The following HDAC9 variants were observed in gnomAD, a reference collection of about 807,000 sequenced individuals.
The protein encoded by HDAC9 is histone deacetylase 9, also known as MEF-2 interacting transcription repressor (MITR) protein.
Under a neutral mutation model 139.4 loss-of-function variants are expected in HDAC9, and 41 were observed. The ratio of observed to expected loss-of-function variants is 0.29; its 90% CI spans 0.23 to 0.38. The LOEUF is 0.38. HDAC9 is among the 10% of genes least tolerant of loss of function. The pLI, the probability that HDAC9 is intolerant of heterozygous loss-of-function variation, is 1.00. For missense variants in HDAC9, 1,147 were observed against 1,297.0 expected (o/e 0.88, Z 1.78); for synonymous variants, 517 against 476.2 (o/e 1.09, Z -1.12).
chr7:18,980,425 C>T (rs981840102), intron 25 of HDAC9, among the ~76,000 whole-genome samples: 1 of 152,210 alleles, frequency 6.6e-6, no homozygotes, highest in Non-Finnish European at 1.5e-5. Flanking sequence ...AGAGTCTCCA[C>T]ACTTCACAGT....
At chr7:18,323,274 ACCAC>A (rs1371377262) in intron 1 of HDAC9, among the ~76,000 whole-genome samples, 1 of 152,082 alleles carries the variant, frequency 6.6e-6, no homozygotes, top group Non-Finnish European at 1.5e-5. Context: ...ACTATTTCTC[ACCAC>A]CTCCATTGCT....
rs909304048 is a variant in HDAC9 at position 18,173,675 on chromosome 7, T to C, written c.25+11326T>C. On this transcript the variant is annotated intron_variant, in intron 2 of 12. Coordinates refer to the HDAC9 transcript ENST00000417496. ...GGTGACAGAATCTCTCAGCATTTGCTTGTCTGTAAAGGATTTTATTTCTCC... is the reference window on the plus strand; with the variant it reads ...GGTGACAGAATCTCTCAGCATTTGCCTGTCTGTAAAGGATTTTATTTCTCC... Among the ~76,000 whole-genome samples the C allele has an allele frequency of 2.0e-5, 3 of 152,330 alleles. No homozygotes were observed. The East Asian group carries it at 5.8e-4, about 29-fold the overall frequency.
intron 1 of HDAC9, among the ~76,000 whole-genome samples, chr7:18,475,233 TC>T (rs1163383592): frequency 6.6e-6 from 1 of 152,206 alleles, no homozygotes; most frequent in Non-Finnish European, 1.5e-5. Context: ...AGCCATGGAC[TC>T]TTCTGACCCC....
intron 22 of HDAC9, among the ~76,000 whole-genome samples, chr7:18,889,311 A>G (rs373458501): frequency 1.7e-4 from 26 of 152,072 alleles, no homozygotes; most frequent in Non-Finnish European, 3.5e-4. Context: ...CCCATCCTCC[A>G]TCATGCTCTA....
chr7:18,485,671 T>C (rs1190416385), intron 1 of HDAC9, among the ~76,000 whole-genome samples: 1 of 151,942 alleles, frequency 6.6e-6, no homozygotes, highest in Non-Finnish European at 1.5e-5. Flanking sequence ...TGAGTGCTAT[T>C]ATGTTATCAT....
intron 2 of HDAC9, among the ~76,000 whole-genome samples, chr7:18,215,141 A>G (rs1220579539): frequency 2.6e-5 from 4 of 152,284 alleles, no homozygotes; most frequent in Admixed American, 6.5e-5. Flanking sequence ...ACCCTATTCT[A>G]TTAGACAATT....
intron 24 of HDAC9, among the ~76,000 whole-genome samples, chr7:18,973,215 C>G (rs1030376027): frequency 6.6e-6 from 1 of 152,100 alleles, no homozygotes; most frequent in Non-Finnish European, 1.5e-5. Flanking sequence ...ATATTTAGTT[C>G]TCAATAATGC....
intron 22 of HDAC9, among the ~76,000 whole-genome samples, chr7:18,935,520 A>G (rs1164699685): frequency 6.6e-6 from 1 of 152,170 alleles, no homozygotes; most frequent in East Asian, 1.9e-4. Context: ...ATCCAGATAC[A>G]TACAGACCAT....
intron 2 of HDAC9, among the ~76,000 whole-genome samples, chr7:18,170,039 T>C (rs1788302484): frequency 6.6e-6 from 1 of 152,208 alleles, no homozygotes; most frequent in Admixed American, 6.5e-5. Flanking sequence ...TGCCACACTG[T>C]CTTCCACAAT....
At chr7:18,146,708 G>A (rs371016829) in intron 1 of HDAC9, among the ~76,000 whole-genome samples, 11 of 152,116 alleles carry the variant, frequency 7.2e-5, no homozygotes, top group African/African-American at 1.2e-4. Flanking sequence ...TCCTTCTAGC[G>A]AAAACAATTT....
At chr7:18,318,690 A>T (rs1478007101) in intron 1 of HDAC9, among the ~76,000 whole-genome samples, 2 of 152,234 alleles carry the variant, frequency 1.3e-5, no homozygotes, top group Admixed American at 1.3e-4. Context: ...CGAAGGCAGT[A>T]AACTATTACA....
chr7:18,553,061 A>G (rs1195625411), intron 2 of HDAC9, among the ~76,000 whole-genome samples: 1 of 152,206 alleles, frequency 6.6e-6, no homozygotes, highest in African/African-American at 2.4e-5. Flanking sequence ...GATAATAGCT[A>G]TCCTAAGTAA....
At chr7:18,255,065 T>A (rs2128201856) in intron 2 of HDAC9, among the ~76,000 whole-genome samples, 1 of 152,326 alleles carries the variant, frequency 6.6e-6, no homozygotes, top group East Asian at 1.9e-4. Flanking sequence ...CCTTTTTTAT[T>A]TATATCAACC....
At chr7:18,934,673 A>G (rs1352392039) in intron 22 of HDAC9, among the ~76,000 whole-genome samples, 1 of 152,178 alleles carries the variant, frequency 6.6e-6, no homozygotes, top group Non-Finnish European at 1.5e-5. Flanking sequence ...TTGGCAAACC[A>G]TACCAAATGT....
intron 25 of HDAC9, among the ~76,000 whole-genome samples, chr7:18,983,967 A>T (rs1785124534): frequency 6.6e-6 from 1 of 151,986 alleles, no homozygotes; most frequent in African/African-American, 2.4e-5. Context: ...TATCCTGTAG[A>T]TTTCAGATCA....
At position 18,671,927 on chromosome 7, in the gene HDAC9, G is replaced by C. The variant is rs549393957; in HGVS notation, c.1731+5451G>C. 2.6e-5 allele frequency among the ~76,000 whole-genome samples: 4 copies of C among 152,036 alleles called. No homozygotes were observed. The South Asian group carries it at 8.3e-4, about 32-fold the overall frequency. ...TCTTATGGCTGAGTAATATTCCCTT[G>C]TATGGCTATACAACATTTTGCTTAT... On this transcript the variant is annotated intron_variant, in intron 12 of 25. Coordinates refer to ENST00000686413, the MANE Select transcript of HDAC9 (RefSeq NM_178425.4).
At chr7:18,713,241 A>T (rs1784470211) in intron 12 of HDAC9, among the ~76,000 whole-genome samples, 1 of 152,198 alleles carries the variant, frequency 6.6e-6, no homozygotes, top group East Asian at 1.9e-4. Context: ...ACCACTTAGC[A>T]GAATCTGCAT....
intron 12 of HDAC9, chr7:18,666,965 T>C: frequency 1.0e-6 from 1 of 988,232 alleles, no homozygotes; most frequent in Non-Finnish European, 1.2e-6. Flanking sequence ...TATCATACTA[T>C]AGTCTTGAAC....
chr7:18,878,554 A>G (rs990877677), intron 22 of HDAC9, among the ~76,000 whole-genome samples: 4 of 152,212 alleles, frequency 2.6e-5, no homozygotes, highest in South Asian at 2.1e-4. Context: ...AGCTAAAGAC[A>G]AAAAACACAT....
Sources: allele counts gnomAD v4.1 joint callset (sites outside exome capture counted in the v4.1 genomes callset), GRCh38; gene constraint gnomAD v4.1.1; transcripts MANE v1.5; gene names NCBI Gene and HGNC (gene_info 2026-07-23, HGNC 2026-07-21).